Variants in DCBLD2 observed in about 807,000 individuals in gnomAD.
The protein encoded by DCBLD2 is discoidin, CUB and LCCL domain-containing protein 2.
In DCBLD2, 54 loss-of-function variants were observed where a neutral mutation model predicts 86.8. The ratio of observed to expected loss-of-function variants is 0.62; its 90% confidence interval spans 0.50 to 0.78. The LOEUF (loss-of-function observed/expected upper bound fraction) is 0.78. DCBLD2 is among the 30% of genes least tolerant of loss of function. DCBLD2 has a pLI of 0.00. For missense variants in DCBLD2, 908 were observed against 954.2 expected (o/e 0.95, Z 0.64); for synonymous variants, 354 against 341.3 (o/e 1.04, Z -0.41).
At chr3:98,852,029 C>A (rs1270977031) in intron 2 of DCBLD2, among the ~76,000 whole-genome samples, 1 of 152,174 alleles carries the variant, frequency 6.6e-6, no homozygotes, top group Non-Finnish European at 1.5e-5. Context: ...TGGGCCAAGA[C>A]TGCATGACTA....
At chr3:98,838,350 GCTC>G (rs1942525192) in intron 3 of DCBLD2, among the ~76,000 whole-genome samples, 1 of 94,288 alleles carries the variant, frequency 1.1e-5, no homozygotes, top group Admixed American at 1.1e-4. Flanking sequence ...GGGCAGAGAC[GCTC>G]CTCACCTCCC....
In DCBLD2 at chr3:98,870,743, A is replaced by AAGAAAG. The variant is rs1559794433; in HGVS notation, c.433+10791_433+10796dup. On this transcript the variant is annotated intron_variant, in intron 2 of 15. Coordinates refer to ENST00000326840, the MANE Select transcript of DCBLD2 (RefSeq NM_080927.4). ...AAGGAAAAGAAAAGAAAGAAAAAGAAAGAAAGAAAGAAAGAAAGAAAGAAA... is the reference window on the plus strand; with the variant it reads ...AAGGAAAAGAAAAGAAAGAAAAAGAAAGAAAGAGAAAGAAAGAAAGAAAGAAAGAAA... 4.6e-3 allele frequency among the ~76,000 whole-genome samples: 378 copies of AAGAAAG among 82,740 alleles called. 3 individuals are homozygous for AAGAAAG. The highest frequency in any genetic ancestry group is 0.017 in the African/African-American group (360 of 21,288). The allele number at this position is 82,740 out of a possible 152,430, so 54.3% of individuals were successfully genotyped here. A position where few individuals can be genotyped will look rare whatever the true frequency, so the allele number is the denominator to read the frequency against.
At position 98,901,352 on chromosome 3, in the gene DCBLD2, T is replaced by C. The variant is rs1379804525; in HGVS notation, c.-26A>G. 7.4e-7 allele frequency: 1 copy of C among 1,354,986 alleles called. No homozygotes were observed. 83.9% of individuals were successfully genotyped at this position (1,354,986 alleles called of 1,614,324 possible). ...CGCGGCGGCCGGCAGTCTGCCTGCA[T>C]AGTGCGGGTGCCTCGGCAGCCCCGC... On this transcript the variant is annotated 5_prime_UTR_variant, in exon 1 of 16. It removes an upstream start codon present in the reference 5' UTR. Transcript: ENST00000326840.
chr3:98,836,078 A>G (rs1406363399), intron 3 of DCBLD2, among the ~76,000 whole-genome samples: 2 of 112,460 alleles, frequency 1.8e-5, no homozygotes, highest in African/African-American at 3.3e-5. Context: ...GTGTGTGTGT[A>G]TGTAAACCTC....
chr3:98,822,232 C>G lies in DCBLD2; in HGVS notation c.826G>C (p.Val276Leu), dbSNP rs202086393. Residue 276 changes from valine (V) to leucine (L), a missense_variant, in exon 6 of 16, where the codon GTG (valine) becomes CTG (leucine). Val to Leu is a conservative substitution (Grantham distance 32). Coordinates refer to ENST00000326840, the MANE Select transcript of DCBLD2 (RefSeq NM_080927.4). ...TTAAATTGCATATATACTTACACCA[C>G]AGATGTGACGTTGTTAGCCAAAGAA... ...ESSLANNVTS[V>L]VGHLSTSLFT... is the part of the protein sequence containing the mutation. The G allele has an allele frequency of 2.3e-5, 37 of 1,613,634 alleles. No homozygotes were observed. In the African/African-American group the frequency reaches 4.4e-4, roughly 19 times the overall value.
At chr3:98,839,522 A>C (rs946264319) in intron 3 of DCBLD2, among the ~76,000 whole-genome samples, 12 of 152,240 alleles carry the variant, frequency 7.9e-5, no homozygotes. Context: ...AAAAGAAACT[A>C]TCATAGAATA....
At chr3:98,804,260 C>A (rs1268445906) in intron 13 of DCBLD2, among the ~76,000 whole-genome samples, 17 of 150,972 alleles carry the variant, frequency 1.1e-4, no homozygotes, top group African/African-American at 2.2e-4. Flanking sequence ...CAACTTCTTC[C>A]TGGTTTAGTC....
intron 3 of DCBLD2, among the ~76,000 whole-genome samples, chr3:98,847,847 G>C (rs1942756144): frequency 1.5e-5 from 2 of 131,968 alleles, no homozygotes; most frequent in Admixed American, 1.4e-4. Flanking sequence ...TCTCATCATG[G>C]TACCCCTATA....
intron 1 of DCBLD2, among the ~76,000 whole-genome samples, chr3:98,884,402 C>CCT (rs1943524132): frequency 6.8e-6 from 1 of 147,584 alleles, no homozygotes; most frequent in African/African-American, 2.5e-5. Flanking sequence ...TTACACAGTC[C>CCT]ATAAAAAAAA....
chr3:98,807,909 G>T, intron 13 of DCBLD2, 172 bp downstream of exon 13: 1 of 415,622 alleles, frequency 2.4e-6, no homozygotes, highest in Non-Finnish European at 4.1e-6. Context: ...GTAACTGATT[G>T]TGGAATTGAA....
At chr3:98,827,197 C>G (rs1023326110) in intron 3 of DCBLD2, among the ~76,000 whole-genome samples, 2 of 152,166 alleles carry the variant, frequency 1.3e-5, no homozygotes, top group Non-Finnish European at 2.9e-5. Flanking sequence ...CACTACCACC[C>G]AGTTGACCAA....
Position 98,876,099 on chromosome 3 carries a change from CATAA to C in DCBLD2, c.433+5437_433+5440del, listed in dbSNP as rs201820403. Among the ~76,000 whole-genome samples the C allele has an allele frequency of 6.9e-3, 1,053 of 151,824 alleles. 10 individuals carry two copies. The highest frequency in any genetic ancestry group is 0.057 in the South Asian group (275 of 4,800). ...AGTTTGCATGGTTGAAAAAAAGTAA[CATAA>C]ACAAAGTCAAAAGACAACTGACAAA... is the stretch of plus-strand genomic sequence containing the variant. On this transcript the variant is annotated intron_variant, in intron 2 of 15. Transcript: ENST00000326840.
intron 1 of DCBLD2, among the ~76,000 whole-genome samples, chr3:98,887,588 T>G (rs1336943993): frequency 1.3e-5 from 2 of 152,048 alleles, no homozygotes; most frequent in African/African-American, 4.8e-5. Context: ...TCTTCTTTAG[T>G]GTTCACAAGG....
chr3:98,819,619 C>T (rs935265681), intron 7 of DCBLD2, among the ~76,000 whole-genome samples: 3 of 152,126 alleles, frequency 2.0e-5, no homozygotes, highest in Admixed American at 1.3e-4. Flanking sequence ...CAAACATGCT[C>T]ATTTATAAGC....
intron 2 of DCBLD2, among the ~76,000 whole-genome samples, chr3:98,868,452 T>G (rs542064288): frequency 4.6e-5 from 7 of 152,270 alleles, no homozygotes; most frequent in African/African-American, 1.7e-4. Flanking sequence ...ATGTTGAAAT[T>G]TATTTATATA....
At position 98,819,435 on chromosome 3, in the gene DCBLD2, C is replaced by T; in HGVS notation, c.872-18G>A. On this transcript the variant is annotated intron_variant, in intron 7 of 15. Transcript: ENST00000326840. Reference sequence around the variant, plus strand: ...ATAACATCCTGAAACAAAGAAAAGACTAAATTTGGTTTCCAGGTATAATTT... The same window carrying T: ...ATAACATCCTGAAACAAAGAAAAGATTAAATTTGGTTTCCAGGTATAATTT... The T allele has an allele frequency of 1.9e-6, 3 of 1,613,296 alleles. No homozygotes were observed. The highest frequency in any genetic ancestry group is 2.5e-6 in the Non-Finnish European group (3 of 1,179,576).
At chr3:98,803,551 G>C (rs1312066255) in intron 13 of DCBLD2, among the ~76,000 whole-genome samples, 1 of 152,158 alleles carries the variant, frequency 6.6e-6, no homozygotes, top group Non-Finnish European at 1.5e-5. Context: ...TCTCTTGCCT[G>C]ACTGCCCTGG....
chr3:98,876,847 A>G (rs964282655), intron 2 of DCBLD2, among the ~76,000 whole-genome samples: 6 of 152,260 alleles, frequency 3.9e-5, no homozygotes, highest in African/African-American at 1.4e-4. Context: ...AATGAGGACT[A>G]TCCTACAAAA....
chr3:98,822,617 T>TA, intron 5 of DCBLD2, 52 bp downstream of exon 5: 3 of 1,497,084 alleles, frequency 2.0e-6, no homozygotes, highest in African/African-American at 1.4e-5. Context: ...TCTGGAGTTC[T>TA]AAAAAAATAG....
Sources: allele counts gnomAD v4.1 joint callset (sites outside exome capture counted in the v4.1 genomes callset), GRCh38; gene constraint gnomAD v4.1.1; transcripts MANE v1.5; gene names NCBI Gene and HGNC (gene_info 2026-07-23, HGNC 2026-07-21).